Variants in HELZ observed in about 807,000 individuals in gnomAD.
HELZ encodes the protein ATP-dependent RNA helicase with zinc finger domain.
Under a neutral mutation model 218.2 loss-of-function variants are expected in HELZ, and 23 were observed. The observed-to-expected ratio is 0.11, with a 90% CI of 0.08 to 0.15. The LOEUF is 0.15. HELZ is among the 10% of genes least tolerant of loss of function. The pLI is 1.00. For synonymous variants in HELZ, 814 were observed against 829.4 expected (o/e 0.98, Z 0.32); for missense variants, 1,813 against 2,353.7 (o/e 0.77, Z 4.75).
intron 32 of HELZ, among the ~76,000 whole-genome samples, chr17:67,081,964 G>A (rs555061558): frequency 1.6e-4 from 25 of 152,178 alleles, no homozygotes; most frequent in Non-Finnish European, 3.1e-4. Flanking sequence ...AAAGCAGGAC[G>A]AAGGAGCAGG....
chr17:67,111,348 T>C (rs535696337), intron 28 of HELZ, among the ~76,000 whole-genome samples: 1 of 152,302 alleles, frequency 6.6e-6, no homozygotes, highest in African/African-American at 2.4e-5. Flanking sequence ...AGAGGCAATT[T>C]TTCTTTTCCG....
Position 67,148,636 on chromosome 17 carries a change from A to C in HELZ, c.2554T>G (p.Tyr852Asp). 3 of 1,613,874 alleles carry C rather than the reference A, an allele frequency of 1.9e-6. No homozygotes were observed. The highest frequency in any genetic ancestry group is 2.5e-6 in the Non-Finnish European group (3 of 1,179,798). Residue 852 changes from tyrosine to aspartate, a missense_variant, in exon 20 of 33, where the codon TAC (tyrosine) becomes GAC (aspartate). This residue lies in a region of HELZ where 714 missense variants were observed against 1,029.2 expected (regional missense o/e 0.69). Coordinates refer to ENST00000358691, the MANE Select transcript of HELZ (RefSeq NM_014877.4). The part of the protein sequence containing the change: ...VSLLDRLYEH[Y>D]PAEFPCRILL... ...ATCCTACATGGGAACTCAGCAGGGT[A>C]ATGCTCATAGAGTCGGTCAAGTAAT...
At chr17:67,168,094 G>C (rs754254117) in intron 13 of HELZ, among the ~76,000 whole-genome samples, 1 of 151,944 alleles carries the variant, frequency 6.6e-6, no homozygotes, top group African/African-American at 2.4e-5. Flanking sequence ...GAATTCTCCT[G>C]CCTCAGCCTC....
chr17:67,245,427 C>A, upstream of HELZ: 1 of 945,670 alleles, frequency 1.1e-6, no homozygotes, highest in Non-Finnish European at 1.3e-6. Flanking sequence ...TCCCTTTCTC[C>A]TGCCCCGGCC....
At chr17:67,231,580 C>T (rs2041037530) in intron 3 of HELZ, among the ~76,000 whole-genome samples, 1 of 141,540 alleles carries the variant, frequency 7.1e-6, no homozygotes, top group Non-Finnish European at 1.5e-5. Context: ...GTGACAGAGC[C>T]AGACTCTGTC....
intron 3 of HELZ, among the ~76,000 whole-genome samples, chr17:67,232,129 T>A (rs1389188776): frequency 1.3e-5 from 2 of 151,982 alleles, no homozygotes; most frequent in African/African-American, 4.8e-5. Context: ...TACAGCTTTT[T>A]TATTCATCTG....
chr17:67,227,152 T>C (rs1418925793), intron 3 of HELZ, among the ~76,000 whole-genome samples: 1 of 152,068 alleles, frequency 6.6e-6, no homozygotes, highest in Non-Finnish European at 1.5e-5. Flanking sequence ...TTTATAAAAT[T>C]GTAAGAATTA....
At chr17:67,123,876 C>T in intron 25 of HELZ, 87 bp downstream of exon 25, 1 of 836,894 alleles carries the variant, frequency 1.2e-6, no homozygotes, top group African/African-American at 1.7e-5. Context: ...AAACCATCTC[C>T]CCACCCTCCT....
intron 7 of HELZ, among the ~76,000 whole-genome samples, chr17:67,199,011 T>C (rs548793864): frequency 1.3e-5 from 2 of 152,204 alleles, no homozygotes; most frequent in South Asian, 2.1e-4. Context: ...CATGTGATTA[T>C]CAGATGTAAA....
chr17:67,090,921 A>G (rs1027781835), intron 31 of HELZ, among the ~76,000 whole-genome samples: 18 of 151,702 alleles, frequency 1.2e-4, no homozygotes, highest in South Asian at 1.0e-3. Flanking sequence ...CTTGATTTGA[A>G]TTTATTTTGC....
chr17:67,156,181 G>A (rs992591898), intron 17 of HELZ, among the ~76,000 whole-genome samples: 4 of 151,562 alleles, frequency 2.6e-5, no homozygotes, highest in Non-Finnish European at 5.9e-5. Context: ...ATGACCTTTT[G>A]TAATAGTGTA....
chr17:67,234,618 T>C (rs981808566), intron 3 of HELZ, among the ~76,000 whole-genome samples: 1 of 151,592 alleles, frequency 6.6e-6, no homozygotes, highest in Non-Finnish European at 1.5e-5. Flanking sequence ...GCCAAGTGCT[T>C]CAGGCCAGGA....
intron 20 of HELZ, among the ~76,000 whole-genome samples, chr17:67,147,029 A>G (rs1359855704): frequency 6.6e-6 from 1 of 152,116 alleles, no homozygotes. Flanking sequence ...CTTATTAATA[A>G]GTTTCATGGT....
intron 27 of HELZ, among the ~76,000 whole-genome samples, chr17:67,116,985 TAG>T (rs917511692): frequency 6.6e-6 from 1 of 151,854 alleles, no homozygotes; most frequent in Non-Finnish European, 1.5e-5. Context: ...GCCTCCCGAG[TAG>T]CTGGGATTAC....
intron 13 of HELZ, among the ~76,000 whole-genome samples, chr17:67,174,836 C>T (rs1432659770): frequency 6.6e-6 from 1 of 152,062 alleles, no homozygotes; most frequent in Non-Finnish European, 1.5e-5. Flanking sequence ...TCTGCTTAAA[C>T]TGTCAAAGTT....
At position 67,201,003 on chromosome 17, in the gene HELZ, A is replaced by C. The variant is rs1268375659; in HGVS notation, c.429+126T>G. On this transcript the variant is annotated intron_variant, in intron 7 of 32. Coordinates refer to ENST00000358691, the MANE Select transcript of HELZ (RefSeq NM_014877.4). ...GTTACGAGGGAAGGCTGGCAGTCCC[A>C]CTGCCCCACCTTCACAGCCTCGCCT... The C allele has an allele frequency of 3.9e-6, 3 of 766,810 alleles. No individual in the cohort carries two copies. In the East Asian group the frequency reaches 7.4e-5, roughly 19 times the overall value. The allele number at this position is 766,810 out of a possible 1,614,324, so 47.5% of individuals were successfully genotyped here. A position where few individuals can be genotyped will look rare whatever the true frequency, so the allele number is the denominator to read the frequency against.
intron 26 of HELZ, among the ~76,000 whole-genome samples, chr17:67,122,406 C>T (rs999391869): frequency 1.3e-5 from 2 of 152,160 alleles, no homozygotes; most frequent in East Asian, 1.9e-4. Context: ...ATTAGCCAGG[C>T]GTGGTGGCAG....
At chr17:67,167,333 C>T in intron 14 of HELZ, 130 bp downstream of exon 14, 1 of 634,476 alleles carries the variant, frequency 1.6e-6, no homozygotes, top group Non-Finnish European at 2.8e-6. Flanking sequence ...CAATTTTCAA[C>T]CCACCACTGT....
At chr17:67,117,041 A>AT (rs2037449329) in intron 27 of HELZ, among the ~76,000 whole-genome samples, 5 of 151,892 alleles carry the variant, frequency 3.3e-5, no homozygotes, top group Non-Finnish European at 7.4e-5. Flanking sequence ...TTTTTAATAG[A>AT]GATAGGTTTC....
Sources: allele counts gnomAD v4.1 joint callset (sites outside exome capture counted in the v4.1 genomes callset), GRCh38; gene constraint gnomAD v4.1.1; regional missense constraint gnomAD v4.1.1; transcripts MANE v1.5; gene names NCBI Gene and HGNC (gene_info 2026-07-23, HGNC 2026-07-21).